ANKH: variants seen among roughly 807,000 people sequenced by gnomAD.
ANKH encodes mineralization regulator ANKH.
A neutral mutation model predicts 49.0 loss-of-function variants in ANKH; 15 were observed. The observed-to-expected ratio is 0.31, with a 90% CI of 0.20 to 0.47. ANKH has a LOEUF of 0.47. ANKH is among the 20% of genes least tolerant of loss of function. The pLI is 1.00. For synonymous variants in ANKH, 273 were observed against 260.0 expected, an observed-to-expected ratio of 1.05 and a Z score of -0.48; for missense variants, 429 against 652.0, an observed-to-expected ratio of 0.66 and a Z score of 3.72.
At chr5:14,727,996 T>G (rs1447561380) in intron 8 of ANKH, among the ~76,000 whole-genome samples, 1 of 152,248 alleles carries the variant, frequency 6.6e-6, no homozygotes, top group Non-Finnish European at 1.5e-5. Context: ...AGGTAGAGTT[T>G]TAGGGACTAG....
chr5:14,781,909 GCAC>G (rs1487385002), intron 1 of ANKH, among the ~76,000 whole-genome samples: 1 of 152,104 alleles, frequency 6.6e-6, no homozygotes, highest in East Asian at 1.9e-4. Flanking sequence ...TTTTGAAACA[GCAC>G]CACCAACTCC....
At chr5:14,805,693 TAGAC>T (rs1740691587) in intron 1 of ANKH, among the ~76,000 whole-genome samples, 1 of 151,968 alleles carries the variant, frequency 6.6e-6, no homozygotes, top group African/African-American at 2.4e-5. Context: ...CTTTCCCTGT[TAGAC>T]AGTAGCTCAC....
chr5:14,825,183 G>C (rs1561072321), intron 1 of ANKH, among the ~76,000 whole-genome samples: 1 of 152,128 alleles, frequency 6.6e-6, no homozygotes, highest in Non-Finnish European at 1.5e-5. Flanking sequence ...AAAACGACTG[G>C]GCAAATACCC....
intron 1 of ANKH, among the ~76,000 whole-genome samples, chr5:14,819,757 T>C (rs1287491408): frequency 6.6e-6 from 1 of 151,998 alleles, no homozygotes; most frequent in Non-Finnish European, 1.5e-5. Context: ...TCCCAACTAC[T>C]TGGGAGGCTG....
At position 14,737,117 on chromosome 5, in the gene ANKH, T is replaced by C. The variant is rs1738212305; in HGVS notation, c.1011+4710A>G. On this transcript the variant is annotated intron_variant, in intron 8 of 11. Transcript: ENST00000284268. This position sits in a 1 kb window ranked among gnomAD's most constrained non-coding sequence, Gnocchi z 5.0. Reference sequence around the variant, plus strand: ...CTTCAGAAACAGTTTTAAAAAGTCATGTTTTGGGTAAATTGGCAAATTTGG... The same window carrying C: ...CTTCAGAAACAGTTTTAAAAAGTCACGTTTTGGGTAAATTGGCAAATTTGG... Among the ~76,000 whole-genome samples the C allele has an allele frequency of 6.6e-6, 1 of 152,240 alleles. No homozygotes were observed. Among genetic ancestry groups the C allele is most frequent in the African/African-American group, 2.4e-5 (1 of 41,462 alleles).
In ANKH at chr5:14,708,358, C is replaced by T. The variant is rs1737021287; in HGVS notation, c.*2839G>A. ...TCACTCAGTTTTGGAGAAAGTCACA[C>T]CTGGTCTTTCCCTGGTCTTTGACAT... On this transcript the variant is annotated 3_prime_UTR_variant, in exon 12 of 12. Transcript: ENST00000284268. 6.6e-6 allele frequency: 1 copy of T among 152,236 alleles called. No individual in the cohort carries two copies. Among genetic ancestry groups the T allele is most frequent in the Non-Finnish European group, 1.5e-5 (1 of 68,044 alleles). The allele number at this position is 152,236 out of a possible 1,614,324, so 9.4% of individuals were successfully genotyped here.
chr5:14,768,479 T>A lies in ANKH; in HGVS notation c.313+496A>T, dbSNP rs1235173546. The A allele has an allele frequency of 3.1e-5, 6 of 193,194 alleles. 1 individual carries two copies. The East Asian group carries it at 7.9e-4, about 25-fold the overall frequency. The allele number at this position is 193,194 out of a possible 1,614,324, so 12.0% of individuals were successfully genotyped here. ...TGTATGATACAGCTTTCCTGTTGTT[T>A]CATGGAAAGAATGCTATCACAAGAG... is the stretch of plus-strand genomic sequence containing the variant. On this transcript the variant is annotated intron_variant, in intron 2 of 11. Transcript: ENST00000284268.
chr5:14,762,463 T>C (rs1475692498), intron 2 of ANKH, among the ~76,000 whole-genome samples: 5 of 152,214 alleles, frequency 3.3e-5, no homozygotes, highest in Admixed American at 1.3e-4. Context: ...TGAGGCTGCC[T>C]TTGCTTCTTT....
At chr5:14,731,107 T>G (rs572995828) in intron 8 of ANKH, among the ~76,000 whole-genome samples, 1 of 152,274 alleles carries the variant, frequency 6.6e-6, no homozygotes, top group East Asian at 1.9e-4. Flanking sequence ...TGAAAGGCCA[T>G]GTCGTCCTCC....
intron 1 of ANKH, chr5:14,798,328 T>C (rs1740455356): frequency 1.3e-6 from 2 of 1,573,274 alleles, no homozygotes; most frequent in Non-Finnish European, 1.7e-6. Context: ...GTGTTCTTTT[T>C]CCATATTTTG....
intron 8 of ANKH, among the ~76,000 whole-genome samples, chr5:14,724,750 G>A (rs143737153): frequency 1.3e-5 from 2 of 152,268 alleles, no homozygotes; most frequent in East Asian, 1.9e-4. Flanking sequence ...TCATCAGCAC[G>A]TGAACTCAGA....
intron 11 of ANKH, among the ~76,000 whole-genome samples, chr5:14,712,312 A>G (rs1737249189): frequency 6.6e-6 from 1 of 152,162 alleles, no homozygotes; most frequent in Non-Finnish European, 1.5e-5. Flanking sequence ...TTCCCCACCC[A>G]TGTGTCCTCG....
chr5:14,724,381 G>A (rs1454150234), intron 8 of ANKH, among the ~76,000 whole-genome samples: 1 of 152,136 alleles, frequency 6.6e-6, no homozygotes, highest in African/African-American at 2.4e-5. Context: ...GGCCTTAACT[G>A]TGTGTCGTCA....
intron 8 of ANKH, chr5:14,741,550 G>GACA (rs760876459): frequency 3.3e-5 from 11 of 335,246 alleles, no homozygotes; most frequent in Non-Finnish European, 5.5e-5. Flanking sequence ...TTTTCAGCAA[G>GACA]ACAAGTGTAC....
intron 8 of ANKH, among the ~76,000 whole-genome samples, chr5:14,734,611 C>T (rs568412619): frequency 2.6e-5 from 4 of 152,318 alleles, no homozygotes; most frequent in South Asian, 2.1e-4. Flanking sequence ...AGGCAGCACT[C>T]GGCAGGTGCA....
chr5:14,844,764 T>C (rs1741908412), intron 1 of ANKH, among the ~76,000 whole-genome samples: 1 of 152,194 alleles, frequency 6.6e-6, no homozygotes, highest in Admixed American at 6.5e-5. Flanking sequence ...ACTTGAAGAA[T>C]TTTTCACGTT....
At position 14,729,407 on chromosome 5, in the gene ANKH, C is replaced by T. The variant is rs373158628; in HGVS notation, c.1011+12420G>A. On this transcript the variant is annotated intron_variant, in intron 8 of 11. Coordinates refer to ENST00000284268, the MANE Select transcript of ANKH (RefSeq NM_054027.6). The stretch of plus-strand genomic sequence containing the variant: ...TTCACCATGTTGGCCAGGTTGGTCT[C>T]GAACTCCTGACCTCAGGTAATCTGC... 6.8e-4 allele frequency among the ~76,000 whole-genome samples: 103 copies of T among 151,354 alleles called. 1 individual carries two copies. The East Asian group carries it at 0.016, about 24-fold the overall frequency.
At chr5:14,723,431 G>A (rs938228854) in intron 8 of ANKH, among the ~76,000 whole-genome samples, 1 of 151,990 alleles carries the variant, frequency 6.6e-6, no homozygotes, top group Non-Finnish European at 1.5e-5. Context: ...GGAAGTCAAG[G>A]TGGGAGGACT....
chr5:14,853,290 A>G (rs916384887), intron 1 of ANKH, among the ~76,000 whole-genome samples: 9 of 152,330 alleles, frequency 5.9e-5, no homozygotes, highest in Non-Finnish European at 7.3e-5. Flanking sequence ...TATATAACTT[A>G]GGTGGTCAGG....
Sources: allele counts gnomAD v4.1 joint callset (sites outside exome capture counted in the v4.1 genomes callset), GRCh38; gene constraint gnomAD v4.1.1; non-coding constraint Gnocchi (gnomAD v3.1); transcripts MANE v1.5; gene names NCBI Gene and HGNC (gene_info 2026-07-23, HGNC 2026-07-21).